The following ATIC variants were observed in gnomAD, a reference collection of about 807,000 sequenced individuals.
ATIC encodes the protein bifunctional purine biosynthesis protein ATIC.
ATIC carries 64 observed loss-of-function variants against 72.5 expected under a neutral mutation model. That is an observed-to-expected ratio of 0.88 (90% confidence interval 0.72 to 1.09). ATIC has a LOEUF of 1.09. ATIC is among the 50% of genes least tolerant of loss of function. The pLI is 0.00. For synonymous variants in ATIC, 281 were observed against 267.1 expected (o/e 1.05, Z -0.51); for missense variants, 787 against 732.4 (o/e 1.07, Z -0.86).
intron 14 of ATIC, 122 bp from the exon 15 acceptor site, chr2:215,348,966 AAATAAT>A (rs112572552): frequency 3.4e-4 from 229 of 681,782 alleles, no homozygotes; most frequent in African/African-American, 4.3e-4. Flanking sequence ...AAAAAAAAAA[AAATAAT>A]AATAATAATA....
At chr2:215,346,360 T>C (rs2053070648) in intron 13 of ATIC, among the ~76,000 whole-genome samples, 2 of 152,118 alleles carry the variant, frequency 1.3e-5, no homozygotes, top group South Asian at 4.1e-4. Context: ...AGAGATGAGA[T>C]GTTGCCATCT....
the ATIC span, chr2:215,364,843 T>C: frequency 1.4e-6 from 2 of 1,411,624 alleles, no homozygotes; most frequent in Non-Finnish European, 2.0e-6. Flanking sequence ...CTTTATCTTA[T>C]CTAACTTGTA....
chr2:215,332,680 C>G (rs545890470), intron 8 of ATIC, among the ~76,000 whole-genome samples, 173 bp downstream of exon 8: 2 of 152,050 alleles, frequency 1.3e-5, no homozygotes, highest in East Asian at 1.9e-4. Context: ...CACACACACA[C>G]AGAATTGTGT....
rs2052729746 is a variant in ATIC at position 215,318,172 on chromosome 2, G to T, written c.162G>T (p.Leu54Phe). The T allele has an allele frequency of 6.2e-7, 1 of 1,613,970 alleles. No individual in the cohort carries two copies. Among genetic ancestry groups the T allele is most frequent in the African/African-American group, 1.3e-5 (1 of 74,916 alleles). The change falls in exon 3 of 16, where the codon TTG (leucine) becomes TTT (phenylalanine). Residue 54 changes from leucine (L) to phenylalanine (F), a missense_variant. Physicochemically the swap from Leu to Phe is conservative, Grantham distance 22. Transcript: ENST00000236959. Reference sequence around the variant, plus strand: ...TGTTTTTCAGAGATGTCTCTGAGTTGACGGGATTTCCTGAAATGTTGGGGG... The same window carrying T: ...TGTTTTTCAGAGATGTCTCTGAGTTTACGGGATTTCCTGAAATGTTGGGGG... Reference protein sequence around the residue: ...AGLAVRDVSELTGFPEMLGGR... With the variant: ...AGLAVRDVSEFTGFPEMLGGR...
chr2:215,327,015 C>A, intron 7 of ATIC, 37 bp downstream of exon 7: 1 of 1,613,772 alleles, frequency 6.2e-7, no homozygotes, highest in Non-Finnish European at 8.5e-7. Context: ...GTTTGCTGTG[C>A]CTGGAGAGTG....
intron 11 of ATIC, among the ~76,000 whole-genome samples, chr2:215,336,834 G>A (rs955175041): frequency 6.6e-6 from 1 of 152,146 alleles, no homozygotes; most frequent in Admixed American, 6.5e-5. Context: ...AATTGATACT[G>A]CCCCTTTTAG....
At chr2:215,312,356 G>T (rs1234157240) in intron 1 of ATIC, 142 bp from the exon 2 acceptor site, 1 of 1,524,566 alleles carries the variant, frequency 6.6e-7, no homozygotes, top group Non-Finnish European at 9.0e-7. Flanking sequence ...AAGACCTGGG[G>T]AGGCCCGGAC....
intron 7 of ATIC, among the ~76,000 whole-genome samples, chr2:215,328,978 A>G (rs12990072): frequency 0.46 from 70,554 of 152,038 alleles, 18,267 homozygotes; most frequent in East Asian, 0.78. Flanking sequence ...CGGCCTCCCA[A>G]AGTGCTGGGA....
intron 13 of ATIC, among the ~76,000 whole-genome samples, chr2:215,346,174 T>A (rs1314824685): frequency 7.6e-6 from 1 of 131,110 alleles, no homozygotes; most frequent in Non-Finnish European, 1.8e-5. Flanking sequence ...TTATTTATTT[T>A]TTATAGAGAC....
At chr2:215,339,431 G>A (rs1306287435) in intron 12 of ATIC, among the ~76,000 whole-genome samples, 1 of 152,090 alleles carries the variant, frequency 6.6e-6, no homozygotes, top group Non-Finnish European at 1.5e-5. Context: ...TGAGAGGATT[G>A]CATGAGTCTG....
At position 215,344,768 on chromosome 2, in the gene ATIC, A is replaced by G; in HGVS notation, c.1228-11A>G. 1 of 1,611,538 alleles carries G rather than the reference A, an allele frequency of 6.2e-7. No homozygotes were observed. Among genetic ancestry groups the G allele is most frequent in the Non-Finnish European group, 8.5e-7 (1 of 1,177,906 alleles). On this transcript the variant is annotated splice_polypyrimidine_tract_variant and intron_variant, in intron 12 of 15. Coordinates refer to ENST00000236959, the MANE Select transcript of ATIC (RefSeq NM_004044.7). Reference sequence around the variant, plus strand: ...GGCCCCATGCAATTTACCATTGTGTATGTGTTTCAGTTGCCAGAGTCTGCC... The same window carrying G: ...GGCCCCATGCAATTTACCATTGTGTGTGTGTTTCAGTTGCCAGAGTCTGCC...
At chr2:215,359,500 G>A in the ATIC span, among the ~76,000 whole-genome samples, 1 of 152,008 alleles carries the variant, frequency 6.6e-6, no homozygotes, top group Non-Finnish European at 1.5e-5. Flanking sequence ...CCTTTATTTT[G>A]TACTTTCTGT....
At chr2:215,334,849 G>A in intron 9 of ATIC, 70 bp from the exon 10 acceptor site, 1 of 1,246,268 alleles carries the variant, frequency 8.0e-7, no homozygotes, top group Non-Finnish European at 1.2e-6. Context: ...ATATGACAGT[G>A]GAGAATTTTA....
intron 14 of ATIC, 76 bp downstream of exon 14, chr2:215,347,017 C>G: frequency 1.3e-6 from 2 of 1,498,392 alleles, no homozygotes; most frequent in Non-Finnish European, 1.8e-6. Context: ...ATTTTAACTT[C>G]ATCACCACAC....
chr2:215,367,248 A>AACTT, the ATIC span, among the ~76,000 whole-genome samples: 1 of 152,260 alleles, frequency 6.6e-6, no homozygotes, highest in Admixed American at 6.5e-5. Flanking sequence ...GGCACATTTT[A>AACTT]ACTTAAAAAA....
At chr2:215,324,774 C>T (rs2106004978) in intron 4 of ATIC, among the ~76,000 whole-genome samples, 1 of 152,276 alleles carries the variant, frequency 6.6e-6, no homozygotes, top group South Asian at 2.1e-4. Flanking sequence ...ACAAATGTTT[C>T]ACCCTTAGAA....
At chr2:215,331,826 C>T (rs1299296302) in intron 7 of ATIC, among the ~76,000 whole-genome samples, 1 of 152,184 alleles carries the variant, frequency 6.6e-6, no homozygotes, top group African/African-American at 2.4e-5. Flanking sequence ...TTGCAGTCTC[C>T]TTTTAACTAC....
At chr2:215,352,971 T>C (rs942305096), downstream of ATIC, among the ~76,000 whole-genome samples, 1 of 152,198 alleles carries the variant, frequency 6.6e-6, no homozygotes, top group Non-Finnish European at 1.5e-5. Flanking sequence ...GTTATGTAAA[T>C]TTTTTTAGTT....
chr2:215,337,684 GTTT>G (rs1162100709), intron 11 of ATIC, among the ~76,000 whole-genome samples: 4 of 151,492 alleles, frequency 2.6e-5, no homozygotes, highest in East Asian at 1.9e-4. Flanking sequence ...TCTTAATCAA[GTTT>G]TTTTTTTGTT....
Sources: gnomAD v4.1 joint callset for allele counts (sites outside exome capture counted in the v4.1 genomes callset) on GRCh38, gnomAD v4.1.1 for gene constraint, MANE v1.5 for transcripts, NCBI Gene and HGNC (gene_info 2026-07-23, HGNC 2026-07-21) for gene names.